The following CMTM4 variants were observed in gnomAD, a reference collection of about 807,000 sequenced individuals.
CMTM4 encodes CKLF like MARVEL transmembrane domain containing 4, also known as CKLF-like MARVEL transmembrane domain-containing protein 4.
CMTM4 carries 8 observed loss-of-function variants against 19.0 expected under a neutral mutation model. That is an observed-to-expected ratio of 0.42 (90% CI 0.25 to 0.76). The LOEUF (loss-of-function observed/expected upper bound fraction) is 0.76. Ranked by LOEUF, CMTM4 falls within the 30% of genes least tolerant of loss-of-function variation. CMTM4 has a pLI of 0.27. For missense variants in CMTM4, 228 were observed against 290.2 expected, an observed-to-expected ratio of 0.79 and a Z score of 1.56; for synonymous variants, 106 against 121.1, an observed-to-expected ratio of 0.88 and a Z score of 0.82.
intron 2 of CMTM4, among the ~76,000 whole-genome samples, chr16:66,635,410 A>G (rs1289345023): frequency 6.6e-6 from 1 of 152,134 alleles, no homozygotes; most frequent in African/African-American, 2.4e-5. Context: ...CCCAGAGAGC[A>G]CCTGTAAGGA....
At chr16:66,690,991 C>G (rs2017124363) in intron 1 of CMTM4, among the ~76,000 whole-genome samples, 1 of 152,132 alleles carries the variant, frequency 6.6e-6, no homozygotes, top group Non-Finnish European at 1.5e-5. Context: ...GTGGCACATG[C>G]CTGTAGTCCT....
intron 1 of CMTM4, among the ~76,000 whole-genome samples, chr16:66,667,033 T>C (rs1465301047): frequency 1.3e-5 from 2 of 152,118 alleles, no homozygotes; most frequent in Non-Finnish European, 2.9e-5. Context: ...GTATCTAAAA[T>C]AAAAGTTGGG....
intron 2 of CMTM4, 49 bp from the exon 3 acceptor site, chr16:66,623,551 T>C: frequency 7.2e-7 from 1 of 1,390,678 alleles, no homozygotes; most frequent in Non-Finnish European, 1.0e-6. Flanking sequence ...ATTCCATCTT[T>C]GCTCTAAAAG....
At chr16:66,660,401 A>C (rs923987608) in intron 1 of CMTM4, among the ~76,000 whole-genome samples, 15 of 152,014 alleles carry the variant, frequency 9.9e-5, no homozygotes, top group South Asian at 6.2e-4. Context: ...AAAAAAAAAA[A>C]AAAAACAAAA....
chr16:66,601,890 C>T, the CMTM4 span, among the ~76,000 whole-genome samples: 3 of 152,126 alleles, frequency 2.0e-5, no homozygotes, highest in Non-Finnish European at 2.9e-5. Context: ...TCCTGTCTGC[C>T]CCATGGAGGA....
the CMTM4 span, among the ~76,000 whole-genome samples, chr16:66,599,437 CTT>C: frequency 6.7e-6 from 1 of 148,978 alleles, no homozygotes. Flanking sequence ...TTTCTTTCTT[CTT>C]TTTTTTTTCA....
the CMTM4 span, among the ~76,000 whole-genome samples, chr16:66,606,052 A>G: frequency 6.7e-6 from 1 of 149,434 alleles, no homozygotes; most frequent in East Asian, 2.0e-4. Context: ...AGACCACCTC[A>G]TAAGAGGGAG....
intron 1 of CMTM4, among the ~76,000 whole-genome samples, chr16:66,692,440 C>T (rs1243427515): frequency 6.6e-6 from 1 of 152,154 alleles, no homozygotes; most frequent in Non-Finnish European, 1.5e-5. Flanking sequence ...TTAATGTACA[C>T]GTGGATCACC....
At chr16:66,690,104 A>C (rs1294532395) in intron 1 of CMTM4, among the ~76,000 whole-genome samples, 7 of 152,324 alleles carry the variant, frequency 4.6e-5, no homozygotes, top group Admixed American at 6.5e-5. Context: ...TAAAGATAAC[A>C]ATCTTCCTAA....
In CMTM4 at chr16:66,617,088, C is replaced by A; in HGVS notation, c.*4970G>T. The A allele has an allele frequency of 2.0e-6, 1 of 512,768 alleles. No homozygotes were observed. 31.8% of individuals were successfully genotyped at this position (512,768 alleles called of 1,614,324 possible). ...ACTCAAACTTTAAAAGTTTCAATAG[C>A]TCCCTGGGGGTCCAAGCCAAAGGCT... On this transcript the variant is annotated 3_prime_UTR_variant, in exon 4 of 4. Transcript: ENST00000394106.
chr16:66,666,409 C>T (rs1475058453), intron 1 of CMTM4, among the ~76,000 whole-genome samples: 4 of 151,874 alleles, frequency 2.6e-5, no homozygotes, highest in South Asian at 2.1e-4. Context: ...GCCGAGATCA[C>T]GCCACTGCAC....
intron 1 of CMTM4, among the ~76,000 whole-genome samples, chr16:66,666,144 A>G (rs1038228377): frequency 1.3e-5 from 2 of 151,768 alleles, no homozygotes; most frequent in South Asian, 4.2e-4. Flanking sequence ...CTTGTTCTGC[A>G]AAGGAAATTG....
At chr16:66,636,381 G>A in intron 2 of CMTM4, 24 bp downstream of exon 2, 1 of 1,603,086 alleles carries the variant, frequency 6.2e-7, no homozygotes, top group Non-Finnish European at 8.5e-7. Context: ...TCCTTTCATG[G>A]CCAGAGTGGC....
chr16:66,671,643 G>A (rs934253082), intron 1 of CMTM4, among the ~76,000 whole-genome samples: 12 of 152,152 alleles, frequency 7.9e-5, no homozygotes, highest in African/African-American at 1.4e-4. Flanking sequence ...CACACAAGAG[G>A]AGTGGGCACC....
the CMTM4 span, among the ~76,000 whole-genome samples, chr16:66,600,023 T>C: frequency 6.6e-6 from 1 of 152,284 alleles, no homozygotes; most frequent in Admixed American, 6.5e-5. Context: ...ATATGTCTTT[T>C]AGTGAATTGT....
At chr16:66,661,790 G>A (rs1367390193) in intron 1 of CMTM4, among the ~76,000 whole-genome samples, 3 of 151,970 alleles carry the variant, frequency 2.0e-5, no homozygotes, top group East Asian at 3.9e-4. Flanking sequence ...AAAATTAGCC[G>A]GGCATAGTGG....
intron 1 of CMTM4, among the ~76,000 whole-genome samples, chr16:66,651,786 G>GT (rs2016315799): frequency 6.6e-6 from 1 of 152,166 alleles, no homozygotes; most frequent in Non-Finnish European, 1.5e-5. Context: ...TAATCCATGA[G>GT]TTTTTTCCCC....
chr16:66,633,742 C>CGG, intron 2 of CMTM4, among the ~76,000 whole-genome samples: 1 of 151,194 alleles, frequency 6.6e-6, no homozygotes, highest in African/African-American at 2.4e-5. Context: ...CACTTGAACC[C>CGG]GGGAGGCAAA....
At chr16:66,598,586 G>A in the CMTM4 span, among the ~76,000 whole-genome samples, 1,007 of 151,964 alleles carry the variant, frequency 6.6e-3, 8 homozygotes, top group Non-Finnish European at 0.011. Flanking sequence ...TGCCCCCACC[G>A]CAGGCAACCA....
Sources: allele counts gnomAD v4.1 joint callset (sites outside exome capture counted in the v4.1 genomes callset), GRCh38; gene constraint gnomAD v4.1.1; transcripts MANE v1.5; gene names NCBI Gene and HGNC (gene_info 2026-07-23, HGNC 2026-07-21).